The following IKBKB variants were observed in gnomAD, a reference collection of about 807,000 sequenced individuals.
IKBKB encodes the protein inhibitor of nuclear factor kappa-B kinase subunit beta.
IKBKB carries 42 observed loss-of-function variants against 113.6 expected under a neutral mutation model. The observed-to-expected ratio is 0.37, with a 90% CI of 0.29 to 0.48. The LOEUF (loss-of-function observed/expected upper bound fraction) is 0.48, where lower values mean the gene tolerates loss of function less well. IKBKB is among the 20% of genes least tolerant of loss of function. IKBKB has a pLI of 0.99. For missense variants in IKBKB, 673 were observed against 939.7 expected (o/e 0.72, Z 3.71); for synonymous variants, 296 against 361.3 (o/e 0.82, Z 2.05).
At chr8:42,283,768 A>G (rs1563303458) in intron 2 of IKBKB, among the ~76,000 whole-genome samples, 1 of 152,236 alleles carries the variant, frequency 6.6e-6, no homozygotes, top group Non-Finnish European at 1.5e-5. Context: ...TTACGGCAGC[A>G]ATAGAAAACA....
intron 7 of IKBKB, among the ~76,000 whole-genome samples, chr8:42,307,893 A>G (rs759777799): frequency 5.9e-5 from 9 of 151,956 alleles, no homozygotes; most frequent in African/African-American, 1.2e-4. Context: ...CACATTTCCA[A>G]CCAGACCATG....
At chr8:42,306,247 CA>C in intron 6 of IKBKB, 95 bp from the exon 7 acceptor site, 2 of 770,404 alleles carry the variant, frequency 2.6e-6, no homozygotes, top group African/African-American at 1.7e-5. Context: ...CCTGGGAATT[CA>C]GAAATACCTC....
Position 42,327,806 on chromosome 8 carries a change from A to ATTTTTTTTTTTTTTTTTTTTTT in IKBKB, c.2115-1303_2115-1302insTTTTTTTTTTTTTTTTTTTTTT, listed in dbSNP as rs1285987849. 1.4e-4 allele frequency among the ~76,000 whole-genome samples: 2 copies of ATTTTTTTTTTTTTTTTTTTTTT among 14,662 alleles called. 1 individual carries two copies. The highest frequency in any genetic ancestry group is 2.5e-4 in the African/African-American group (2 of 7,884). 9.6% of individuals were successfully genotyped at this position (14,662 alleles called of 152,430 possible). A position where few individuals can be genotyped will look rare whatever the true frequency, so the allele number is the denominator to read the frequency against. ...AGCCACCAGGCCTGGCTAATTTTGT[A>ATTTTTTTTTTTTTTTTTTTTTT]TTTTTTTTTTTTTTTGAGACGGAGT... On this transcript the variant is annotated intron_variant, in intron 20 of 21. Transcript: ENST00000520810.
chr8:42,293,682 T>G, intron 5 of IKBKB, 170 bp downstream of exon 5: 1 of 1,055,840 alleles, frequency 9.5e-7, no homozygotes, highest in South Asian at 1.5e-5. Flanking sequence ...CAACAAGGAG[T>G]CAGCCAGACA....
intron 19 of IKBKB, among the ~76,000 whole-genome samples, chr8:42,323,219 C>A (rs1820105199): frequency 6.6e-6 from 1 of 152,240 alleles, no homozygotes; most frequent in Non-Finnish European, 1.5e-5. Context: ...AGTACGGTCA[C>A]ACTCACAGGC....
chr8:42,272,496 A>T (rs1807995158), intron 2 of IKBKB: 2 of 474,318 alleles, frequency 4.2e-6, no homozygotes. Context: ...ATATATACTG[A>T]TATTATATGT....
At chr8:42,320,687 A>G (rs1268588352) in intron 15 of IKBKB, 48 bp from the exon 16 acceptor site, 1 of 1,483,268 alleles carries the variant, frequency 6.7e-7, no homozygotes, top group African/African-American at 1.4e-5. Context: ...CTTGCATCTC[A>G]GCATGCGCCT....
At chr8:42,305,080 C>CAA (rs1816230864) in intron 5 of IKBKB, 107 bp from the exon 6 acceptor site, 1 of 748,244 alleles carries the variant, frequency 1.3e-6, no homozygotes, top group Non-Finnish European at 2.4e-6. Flanking sequence ...CGCTACAAGT[C>CAA]AGAGTATGTT....
At chr8:42,322,267 G>C in intron 18 of IKBKB, 80 bp from the exon 19 acceptor site, 4 of 1,590,246 alleles carry the variant, frequency 2.5e-6, no homozygotes, top group Middle Eastern at 3.4e-4. Context: ...TTCTGCAGCT[G>C]CTGACTGGAT....
intron 2 of IKBKB, among the ~76,000 whole-genome samples, chr8:42,283,530 G>A (rs1039106023): frequency 5.9e-5 from 9 of 152,168 alleles, no homozygotes; most frequent in Non-Finnish European, 8.8e-5. Flanking sequence ...GGAAGATGGC[G>A]GGACATGGCT....
intron 9 of IKBKB, among the ~76,000 whole-genome samples, chr8:42,315,328 TGACGTGG>T (rs775132756): frequency 3.9e-5 from 6 of 152,196 alleles, no homozygotes; most frequent in Admixed American, 6.5e-5. Flanking sequence ...CTATATGGAA[TGACGTGG>T]GATAAGCTAG....
intron 2 of IKBKB, 107 bp downstream of exon 2, chr8:42,272,312 C>A: frequency 6.8e-7 from 1 of 1,475,006 alleles, no homozygotes; most frequent in South Asian, 1.2e-5. Flanking sequence ...TGGCTTTGGT[C>A]ATCTTGGGAC....
chr8:42,321,723 G>A, intron 16 of IKBKB, 173 bp from the exon 17 acceptor site: 1 of 580,758 alleles, frequency 1.7e-6, no homozygotes, highest in Non-Finnish European at 3.1e-6. Context: ...GGGCACAGTG[G>A]ATCACATCTG....
rs1419478455 is a variant in IKBKB at position 42,316,641 on chromosome 8, A to G, written c.931-69A>G. ...AAATGTTGGGAGTAGCAGAGAGAGG[A>G]CCTAGGCAAATAGATGGGCATTTCC... is the stretch of plus-strand genomic sequence containing the variant. On this transcript the variant is annotated intron_variant, in intron 10 of 21. Coordinates refer to ENST00000520810, the MANE Select transcript of IKBKB (RefSeq NM_001556.3). The surrounding 1 kb of genome is among the most constrained non-coding windows in gnomAD (Gnocchi z 4.5). The G allele has an allele frequency of 2.1e-6, 3 of 1,423,526 alleles. No individual in the cohort carries two copies. Among genetic ancestry groups the G allele is most frequent in the Non-Finnish European group, 2.9e-6 (3 of 1,039,182 alleles). The allele number at this position is 1,423,526 out of a possible 1,614,324, so 88.2% of individuals were successfully genotyped here. A position where few individuals can be genotyped will look rare whatever the true frequency, so the allele number is the denominator to read the frequency against.
At chr8:42,298,632 A>G (rs1176769304) in intron 5 of IKBKB, 3 of 276,194 alleles carry the variant, frequency 1.1e-5, no homozygotes, top group Admixed American at 6.5e-5. Flanking sequence ...TACAGTAACA[A>G]TGAGAGAGAA....
intron 6 of IKBKB, among the ~76,000 whole-genome samples, chr8:42,306,025 G>C: frequency 6.6e-6 from 1 of 152,328 alleles, no homozygotes; most frequent in African/African-American, 2.4e-5. Flanking sequence ...AGGCTGGCCC[G>C]GTCCTTCCTG....
At chr8:42,279,839 T>A (rs1809985338) in intron 2 of IKBKB, among the ~76,000 whole-genome samples, 1 of 152,108 alleles carries the variant, frequency 6.6e-6, no homozygotes, top group South Asian at 2.1e-4. Flanking sequence ...AAAACACTTC[T>A]TTATTGATTT....
At chr8:42,314,246 C>A in intron 8 of IKBKB, 76 bp from the exon 9 acceptor site, 1 of 1,029,346 alleles carries the variant, frequency 9.7e-7, no homozygotes, top group Non-Finnish European at 1.5e-6. Context: ...ACTAAAATCA[C>A]CTAATGACGA....
chr8:42,289,455 G>GTGGT (rs1245663737), intron 3 of IKBKB, among the ~76,000 whole-genome samples: 1 of 152,134 alleles, frequency 6.6e-6, no homozygotes, highest in Non-Finnish European at 1.5e-5. Flanking sequence ...CAGTTCCAAG[G>GTGGT]TGGTATGTGA....
Sources: allele counts gnomAD v4.1 joint callset (sites outside exome capture counted in the v4.1 genomes callset), GRCh38; gene constraint gnomAD v4.1.1; non-coding constraint Gnocchi (gnomAD v3.1); transcripts MANE v1.5; gene names NCBI Gene and HGNC (gene_info 2026-07-23, HGNC 2026-07-21).